Variants in COL5A1 observed in about 807,000 individuals in gnomAD.
The protein encoded by COL5A1 is collagen alpha-1(V) chain.
A neutral mutation model predicts 263.7 loss-of-function variants in COL5A1; 16 were observed. That is an observed-to-expected ratio of 0.06 (90% CI 0.04 to 0.09). The LOEUF (loss-of-function observed/expected upper bound fraction) is 0.09, where lower values mean the gene tolerates loss of function less well. Among genes scored for constraint, COL5A1 ranks in the 10% least tolerant of loss-of-function variants. COL5A1 has a pLI of 1.00. For missense variants in COL5A1, 2,036 were observed against 2,540.5 expected (o/e 0.80, Z 4.27); for synonymous variants, 1,012 against 1,004.5 (o/e 1.01, Z -0.14).
intron 18 of COL5A1, among the ~76,000 whole-genome samples, chr9:134,761,393 T>C (rs1187245780): frequency 1.3e-5 from 2 of 152,252 alleles, no homozygotes; most frequent in Non-Finnish European, 2.9e-5. Flanking sequence ...AGAAGGGGCT[T>C]GGCTGTTGCC....
chr9:134,800,345 C>T (rs911775312), intron 37 of COL5A1, among the ~76,000 whole-genome samples: 1 of 152,100 alleles, frequency 6.6e-6, no homozygotes, highest in African/African-American at 2.4e-5. Flanking sequence ...ACCCATCCAC[C>T]GTTCCTTACT....
chr9:134,759,708 ACACACC>A lies in COL5A1; in HGVS notation c.1935+1414_1935+1419del, dbSNP rs1564438546. ...CACTCATACACATATGCACACATGC[ACACACC>A]CCCCCACCCCCACACTCATACACAC... is the stretch of plus-strand genomic sequence containing the variant. On this transcript the variant is annotated intron_variant, in intron 18 of 65. Coordinates refer to ENST00000371817, the MANE Select transcript of COL5A1 (RefSeq NM_000093.5). 1.7e-3 allele frequency among the ~76,000 whole-genome samples: 125 copies of A among 72,262 alleles called. 8 individuals carry two copies. The highest frequency in any genetic ancestry group is 7.3e-3 in the African/African-American group (95 of 12,938). The allele number at this position is 72,262 out of a possible 152,430, so 47.4% of individuals were successfully genotyped here.
chr9:134,692,422 C>T (rs2132553701), intron 2 of COL5A1, among the ~76,000 whole-genome samples: 1 of 152,268 alleles, frequency 6.6e-6, no homozygotes, highest in East Asian at 1.9e-4. Flanking sequence ...TTGGAATTAG[C>T]CATGGAATCC....
chr9:134,751,516 C>A (rs1022918401), intron 13 of COL5A1, among the ~76,000 whole-genome samples: 2 of 152,222 alleles, frequency 1.3e-5, no homozygotes, highest in Non-Finnish European at 2.9e-5. Flanking sequence ...GCCCCTCACT[C>A]TCAGCCTGGG....
chr9:134,683,629 G>A (rs543901036), intron 1 of COL5A1, among the ~76,000 whole-genome samples: 1 of 152,152 alleles, frequency 6.6e-6, no homozygotes, highest in African/African-American at 2.4e-5. Context: ...CAGTCGTTCA[G>A]CAAACACGGC....
Position 134,822,169 on chromosome 9 carries a change from C to T in COL5A1, c.4608+19C>T, listed in dbSNP as rs200797820. On this transcript the variant is annotated intron_variant, in intron 59 of 65. Coordinates refer to ENST00000371817, the MANE Select transcript of COL5A1 (RefSeq NM_000093.5). ...CCTGCCGGTGTGTATCTGGGAGGGG[C>T]TTGGTCATTCCTGGGAGGGCAGGGA... 22 of 1,251,648 alleles carry T rather than the reference C, an allele frequency of 1.8e-5. No homozygotes were observed. Among genetic ancestry groups the T allele is most frequent in the Non-Finnish European group, 2.4e-5 (21 of 884,228 alleles). 77.5% of individuals were successfully genotyped at this position (1,251,648 alleles called of 1,614,324 possible).
At chr9:134,688,804 G>A (rs901981399) in intron 1 of COL5A1, among the ~76,000 whole-genome samples, 5 of 152,224 alleles carry the variant, frequency 3.3e-5, no homozygotes, top group African/African-American at 9.6e-5. Context: ...AAATGACACC[G>A]TCAGAGGCAG....
intron 53 of COL5A1, 57 bp from the exon 54 acceptor site, chr9:134,817,721 C>A: frequency 6.5e-7 from 1 of 1,544,830 alleles, no homozygotes; most frequent in East Asian, 2.3e-5. Context: ...CACCCGAGCT[C>A]GTCCCTCCAC....
At chr9:134,746,501 T>G (rs1396514168) in intron 11 of COL5A1, among the ~76,000 whole-genome samples, 1 of 152,250 alleles carries the variant, frequency 6.6e-6, no homozygotes, top group Non-Finnish European at 1.5e-5. Flanking sequence ...TTTCACGTGC[T>G]GAATCTGCAG....
chr9:134,753,006 GGCTCCCCCTGCAGAGAACAC>G (rs1255258874), intron 14 of COL5A1, among the ~76,000 whole-genome samples: 1 of 152,154 alleles, frequency 6.6e-6, no homozygotes, highest in Non-Finnish European at 1.5e-5. Context: ...TGGAGTTCCA[GGCTCCCCCTGCAGAGAACAC>G]GCTATGAGCT....
rs151115748 is a variant in COL5A1, at chr9:134,815,987, C to T, written c.4121C>T (p.Thr1374Met). The change falls in exon 52 of 66, where the codon ACG becomes ATG. Residue 1374 changes from threonine to methionine, a missense_variant and splice_region_variant. Transcript: ENST00000371817. Reference sequence around the variant, plus strand: ...GGAGATGATGGTGAACCCGGGCAGACGGTGAGTCCACAATCTGGGCTGGCT... The same window carrying T: ...GGAGATGATGGTGAACCCGGGCAGATGGTGAGTCCACAATCTGGGCTGGCT... The part of the protein sequence containing the change: ...DKGDDGEPGQ[T>M]GSPGPTGEPG... The T allele has an allele frequency of 1.5e-4, 249 of 1,614,054 alleles. No individual in the cohort carries two copies. The highest frequency in any genetic ancestry group is 5.4e-4 in the South Asian group (49 of 91,076).
At chr9:134,648,824 G>A (rs1416493019) in intron 1 of COL5A1, among the ~76,000 whole-genome samples, 2 of 152,196 alleles carry the variant, frequency 1.3e-5, no homozygotes, top group African/African-American at 4.8e-5. Flanking sequence ...ATCGCTCGCT[G>A]CTCGCTGCCT....
At chr9:134,790,477 C>T (rs569486021) in intron 32 of COL5A1, among the ~76,000 whole-genome samples, 2 of 82,278 alleles carry the variant, frequency 2.4e-5, no homozygotes, top group Non-Finnish European at 4.6e-5. Context: ...CACCCACCCA[C>T]CCATCCACCC....
At position 134,818,625 on chromosome 9, in the gene COL5A1, G is replaced by A. The variant is rs183418407; in HGVS notation, c.4231-31G>A. 2.9e-3 allele frequency: 4,437 copies of A among 1,549,506 alleles called. 21 individuals carry two copies. Among genetic ancestry groups the A allele is most frequent in the African/African-American group, 0.015 (1,110 of 73,636 alleles). On this transcript the variant is annotated intron_variant, in intron 54 of 65. Transcript: ENST00000371817. This position sits in a 1 kb window ranked among gnomAD's most constrained non-coding sequence, Gnocchi z 6.0. The stretch of plus-strand genomic sequence containing the variant: ...CAGGGTGCCTGGAGCCTAGAGCTCC[G>A]GACCTCATTCTGCCCTCCGCCGTCC...
intron 18 of COL5A1, among the ~76,000 whole-genome samples, chr9:134,760,040 A>ATG (rs1836257804): frequency 4.4e-5 from 4 of 91,088 alleles, no homozygotes; most frequent in African/African-American, 1.1e-4. Context: ...GCACACACGC[A>ATG]CATACACACC....
chr9:134,810,945 C>T (rs1050331998), intron 44 of COL5A1, among the ~76,000 whole-genome samples: 3 of 152,252 alleles, frequency 2.0e-5, no homozygotes, highest in East Asian at 1.9e-4. Flanking sequence ...TGGTCCCATG[C>T]GGGAGGTCTC....
At chr9:134,814,757 G>C (rs770007449) in intron 49 of COL5A1, 40 bp from the exon 50 acceptor site, 25 of 1,480,602 alleles carry the variant, frequency 1.7e-5, no homozygotes, top group Admixed American at 5.9e-5. Context: ...GCGGCGACGT[G>C]GTTGGCTCTG....
In COL5A1 at chr9:134,641,806, C is replaced by G. The variant is rs555826102; in HGVS notation, c.-382C>G. 783 of 385,494 alleles carry G rather than the reference C, an allele frequency of 2.0e-3. 5 individuals carry two copies. Among genetic ancestry groups the G allele is most frequent in the African/African-American group, 0.014 (664 of 48,130 alleles). 23.9% of individuals were successfully genotyped at this position (385,494 alleles called of 1,614,324 possible). The stretch of plus-strand genomic sequence containing the variant: ...AGTGCTCCGCGCCGAAGGCGAGGTC[C>G]GCACTCTCCGTCCCCGCGGCTGGCG... On this transcript the variant is annotated 5_prime_UTR_variant, in exon 1 of 66. Coordinates refer to ENST00000371817, the MANE Select transcript of COL5A1 (RefSeq NM_000093.5).
At chr9:134,770,721 A>C (rs537280087) in intron 25 of COL5A1, among the ~76,000 whole-genome samples, 3 of 152,342 alleles carry the variant, frequency 2.0e-5, no homozygotes, top group Non-Finnish European at 2.9e-5. Flanking sequence ...ATCAAATACA[A>C]ATAATGTAAG....
Sources: allele counts gnomAD v4.1 joint callset (sites outside exome capture counted in the v4.1 genomes callset), GRCh38; gene constraint gnomAD v4.1.1; non-coding constraint Gnocchi (gnomAD v3.1); transcripts MANE v1.5; gene names NCBI Gene and HGNC (gene_info 2026-07-23, HGNC 2026-07-21).